PREX2: variants seen among roughly 807,000 people sequenced by gnomAD.
PREX2 encodes the protein phosphatidylinositol-3,4,5-trisphosphate dependent Rac exchange factor 2.
In PREX2, 107 loss-of-function variants were observed where a neutral mutation model predicts 203.2. The ratio of observed to expected loss-of-function variants is 0.53; its 90% CI spans 0.45 to 0.62. The LOEUF is 0.62. Among genes scored for constraint, PREX2 ranks in the 20% least tolerant of loss-of-function variants. The pLI is 0.00. For synonymous variants in PREX2, 672 were observed against 663.6 expected, an observed-to-expected ratio of 1.01 and a Z score of -0.19; for missense variants, 1,777 against 1,955.9, an observed-to-expected ratio of 0.91 and a Z score of 1.72.
At chr8:67,989,216 T>A (rs1806526934) in intron 1 of PREX2, among the ~76,000 whole-genome samples, 1 of 152,142 alleles carries the variant, frequency 6.6e-6, no homozygotes, top group Admixed American at 6.5e-5. Flanking sequence ...AGTTCCAAAT[T>A]TATATTTAAA....
intron 9 of PREX2, 82 bp downstream of exon 9, chr8:68,053,328 A>G (rs1808579186): frequency 6.9e-7 from 1 of 1,444,696 alleles, no homozygotes; most frequent in Middle Eastern, 1.8e-4. Flanking sequence ...AACATGAGAA[A>G]ATGGAAAGGT....
At chr8:68,095,635 TCCA>T (rs1563542748) in intron 21 of PREX2, among the ~76,000 whole-genome samples, 1 of 122,486 alleles carries the variant, frequency 8.2e-6, no homozygotes. Flanking sequence ...TCCTTTCCTT[TCCA>T]TTTTTTTTTT....
chr8:68,127,764 G>A (rs1178255516), intron 31 of PREX2, among the ~76,000 whole-genome samples: 3 of 152,020 alleles, frequency 2.0e-5, no homozygotes. Flanking sequence ...TTATGAGCAA[G>A]AATGAATGTA....
At chr8:68,106,040 A>G (rs1283933287) in intron 23 of PREX2, 1 of 218,524 alleles carries the variant, frequency 4.6e-6, no homozygotes, top group African/African-American at 2.4e-5. Flanking sequence ...TGTGGTGCCT[A>G]CTAGACCATG....
At chr8:68,087,690 C>T (rs34854177) in intron 18 of PREX2, 34 bp from the exon 19 acceptor site, 174,926 of 1,460,688 alleles carry the variant, frequency 0.12, 11,924 homozygotes, top group East Asian at 0.28. Flanking sequence ...TTGATTCTTA[C>T]GCTTCATCTT....
chr8:68,061,637 A>T (rs1008879791), intron 11 of PREX2, among the ~76,000 whole-genome samples: 1 of 152,156 alleles, frequency 6.6e-6, no homozygotes, highest in African/African-American at 2.4e-5. Context: ...AGAGAGATTA[A>T]AGTATTCTGA....
intron 1 of PREX2, among the ~76,000 whole-genome samples, chr8:68,007,939 A>G (rs1807145288): frequency 6.6e-6 from 1 of 152,194 alleles, no homozygotes; most frequent in Non-Finnish European, 1.5e-5. Flanking sequence ...TAATTTGTTT[A>G]ATGCTTATAG....
chr8:68,054,966 CCTAA>C (rs1446240864), intron 9 of PREX2, among the ~76,000 whole-genome samples: 3 of 152,228 alleles, frequency 2.0e-5, no homozygotes, highest in Non-Finnish European at 2.9e-5. Flanking sequence ...AATAGTGCCT[CCTAA>C]CTATTTCTCA....
At chr8:67,994,986 T>A (rs1044521353) in intron 1 of PREX2, among the ~76,000 whole-genome samples, 1 of 152,174 alleles carries the variant, frequency 6.6e-6, no homozygotes, top group African/African-American at 2.4e-5. Flanking sequence ...ATTTTAAGCA[T>A]TTTTAGGAGA....
At chr8:68,221,915 A>C (rs1329455909) in intron 38 of PREX2, among the ~76,000 whole-genome samples, 1 of 152,202 alleles carries the variant, frequency 6.6e-6, no homozygotes, top group Non-Finnish European at 1.5e-5. Context: ...AAACTAATTT[A>C]TGTGTTACTA....
At chr8:68,224,672 AT>A in intron 39 of PREX2, 46 bp downstream of exon 39, 1 of 1,460,680 alleles carries the variant, frequency 6.8e-7, no homozygotes, top group Non-Finnish European at 9.6e-7. Context: ...ATTTGCCAGC[AT>A]TTTCCCCGGC....
Position 68,224,567 on chromosome 8 carries a change from A to T in PREX2, c.4716A>T (p.Arg1572Ser). ...ATTTTCCTGACTTTCAGGGAGCAAG[A>T]GTTCAGAACACAGCGAAGAATTTGG... ...ATDVMRKQGA[R>S]VQNTAKNLGV... The change falls in exon 39 of 40, where the codon AGA (arginine) becomes AGT (serine). Residue 1572 changes from arginine (R) to serine (S), a missense_variant. Transcript: ENST00000288368. 6.2e-7 allele frequency: 1 copy of T among 1,613,710 alleles called. No individual in the cohort carries two copies. Among genetic ancestry groups the T allele is most frequent in the East Asian group, 2.2e-5 (1 of 44,854 alleles).
At chr8:68,169,490 A>G (rs921725213) in intron 35 of PREX2, among the ~76,000 whole-genome samples, 2 of 152,162 alleles carry the variant, frequency 1.3e-5, no homozygotes, top group Non-Finnish European at 2.9e-5. Flanking sequence ...GTCATTTTAT[A>G]CTTAAAAGAA....
chr8:68,014,046 G>C (rs1020114667), intron 1 of PREX2, among the ~76,000 whole-genome samples: 1 of 152,192 alleles, frequency 6.6e-6, no homozygotes, highest in Non-Finnish European at 1.5e-5. Flanking sequence ...CATTTTGTAT[G>C]TTGAAATTAT....
At chr8:68,013,828 T>C (rs1187693645) in intron 1 of PREX2, among the ~76,000 whole-genome samples, 4 of 152,218 alleles carry the variant, frequency 2.6e-5, no homozygotes, top group African/African-American at 9.6e-5. Flanking sequence ...AGGGTGCTGC[T>C]AAATAGTCTA....
chr8:68,030,842 A>T (rs971165421), intron 6 of PREX2, among the ~76,000 whole-genome samples, 184 bp downstream of exon 6: 1 of 152,178 alleles, frequency 6.6e-6, no homozygotes, highest in Non-Finnish European at 1.5e-5. Context: ...GGTGGTGGTT[A>T]ATTGAGTTAA....
At chr8:68,008,265 T>G (rs928430390) in intron 1 of PREX2, among the ~76,000 whole-genome samples, 1 of 152,250 alleles carries the variant, frequency 6.6e-6, no homozygotes. Flanking sequence ...TCTGTGCCAC[T>G]GATATATTAA....
In PREX2 at chr8:68,232,058, T is replaced by G. The variant is rs1326832714; in HGVS notation, c.*680T>G. 1 of 152,208 alleles carries G rather than the reference T, an allele frequency of 6.6e-6. No homozygotes were observed. The highest frequency in any genetic ancestry group is 1.5e-5 in the Non-Finnish European group (1 of 68,032). 9.4% of individuals were successfully genotyped at this position (152,208 alleles called of 1,614,324 possible). A position where few individuals can be genotyped will look rare whatever the true frequency, so the allele number is the denominator to read the frequency against. On this transcript the variant is annotated 3_prime_UTR_variant, in exon 40 of 40. Transcript: ENST00000288368. ...CATCCTTTATTCTTGTGGACAGCTC[T>G]AGCAAATCAATGCTATTTTTGGTGT... is the stretch of plus-strand genomic sequence containing the variant.
intron 1 of PREX2, among the ~76,000 whole-genome samples, chr8:67,953,902 T>A (rs1156750769): frequency 6.6e-6 from 1 of 152,210 alleles, no homozygotes; most frequent in East Asian, 1.9e-4. Flanking sequence ...AGCTTTAAAT[T>A]TGGCTTTCAT....
Sources: allele counts gnomAD v4.1 joint callset (sites outside exome capture counted in the v4.1 genomes callset), GRCh38; gene constraint gnomAD v4.1.1; transcripts MANE v1.5; gene names NCBI Gene and HGNC (gene_info 2026-07-23, HGNC 2026-07-21).